MYEF2: variants seen among roughly 807,000 people sequenced by gnomAD.
MYEF2 encodes myelin gene expression factor 2.
Under a neutral mutation model 75.2 loss-of-function variants are expected in MYEF2, and 37 were observed. The observed-to-expected ratio is 0.49, with a 90% confidence interval of 0.38 to 0.65. The LOEUF is 0.65. MYEF2 is among the 30% of genes least tolerant of loss of function. MYEF2 has a pLI of 0.00. For synonymous variants in MYEF2, 195 were observed against 241.6 expected, an observed-to-expected ratio of 0.81 and a Z score of 1.79; for missense variants, 634 against 771.4, an observed-to-expected ratio of 0.82 and a Z score of 2.11.
At chr15:48,152,078 C>T (rs922965747) in intron 11 of MYEF2, 136 bp from the exon 12 acceptor site, 8 of 1,133,960 alleles carry the variant, frequency 7.1e-6, no homozygotes, top group Non-Finnish European at 1.1e-5. Flanking sequence ...ACATCACCTT[C>T]CTTTAAGTAT....
At chr15:48,169,553 A>G (rs925253185) in intron 1 of MYEF2, among the ~76,000 whole-genome samples, 13 of 152,118 alleles carry the variant, frequency 8.5e-5, no homozygotes, top group Non-Finnish European at 2.9e-5. Flanking sequence ...AATGTAGGAC[A>G]GAAGCAGTAC....
In MYEF2 at chr15:48,136,963, G is replaced by A. The variant is rs2038916002; in HGVS notation, c.*5945C>T. The A allele has an allele frequency of 6.2e-7, 1 of 1,603,488 alleles. No individual in the cohort carries two copies. The highest frequency in any genetic ancestry group is 1.3e-5 in the African/African-American group (1 of 74,584). ...ACATGGCCTTAGTCAGGTTTCTGAA[G>A]GTAATCACTAAATCTTGCCCATTAT... On this transcript the variant is annotated 3_prime_UTR_variant, in exon 17 of 17. Coordinates refer to ENST00000324324, the MANE Select transcript of MYEF2 (RefSeq NM_016132.5).
chr15:48,177,969 C>A, intron 1 of MYEF2, 108 bp downstream of exon 1: 1 of 1,406,140 alleles, frequency 7.1e-7, no homozygotes, highest in East Asian at 2.9e-5. Flanking sequence ...GGGGGCGGGC[C>A]GGGGTCTGGG....
At chr15:48,158,676 G>A (rs973034891) in intron 7 of MYEF2, 93 bp downstream of exon 7, 2 of 1,461,090 alleles carry the variant, frequency 1.4e-6, no homozygotes, top group South Asian at 1.2e-5. Context: ...CTCTAAGCCA[G>A]GCAACCTTAA....
chr15:48,136,140 A>G lies in MYEF2; in HGVS notation c.*6768T>C, dbSNP rs1246936715. 1 of 152,184 alleles carries G rather than the reference A, an allele frequency of 6.6e-6. No individual in the cohort carries two copies. Among genetic ancestry groups the G allele is most frequent in the Non-Finnish European group, 1.5e-5 (1 of 68,016 alleles). The allele number at this position is 152,184 out of a possible 1,614,324, so 9.4% of individuals were successfully genotyped here. A position where few individuals can be genotyped will look rare whatever the true frequency, so the allele number is the denominator to read the frequency against. On this transcript the variant is annotated 3_prime_UTR_variant, in exon 17 of 17. Coordinates refer to ENST00000324324, the MANE Select transcript of MYEF2 (RefSeq NM_016132.5). ...GTGACTGTAAGCCAAATTCAGCTAC[A>G]TTCAAATCATTAAAAATGCTCTGTA... is the stretch of plus-strand genomic sequence containing the variant.
intron 5 of MYEF2, 109 bp downstream of exon 5, chr15:48,165,824 A>G: frequency 1.4e-6 from 1 of 732,736 alleles, no homozygotes; most frequent in East Asian, 2.6e-5. Context: ...ATGAACACCT[A>G]TGTTTTAAAA....
chr15:48,151,608 A>C (rs769854921), intron 12 of MYEF2, 37 bp from the exon 13 acceptor site: 1 of 1,509,240 alleles, frequency 6.6e-7, no homozygotes, highest in Non-Finnish European at 9.1e-7. Context: ...CTTTTCAAAT[A>C]TATCAATACA....
In MYEF2 at chr15:48,140,779, C is replaced by T. The variant is rs2039048551; in HGVS notation, c.*2129G>A. On this transcript the variant is annotated 3_prime_UTR_variant, in exon 17 of 17. Coordinates refer to ENST00000324324, the MANE Select transcript of MYEF2 (RefSeq NM_016132.5). ...AAAGAAAAAGCGGAATGATCAGTCT[C>T]ATTATCAAATATTCAGCACAGCCCT... 4 of 217,442 alleles carry T rather than the reference C, an allele frequency of 1.8e-5. No homozygotes were observed. The highest frequency in any genetic ancestry group is 1.1e-4 in the East Asian group (1 of 8,884). 13.5% of individuals were successfully genotyped at this position (217,442 alleles called of 1,614,324 possible). A position where few individuals can be genotyped will look rare whatever the true frequency, so the allele number is the denominator to read the frequency against.
rs1186947503 is a variant in MYEF2, at chr15:48,137,857, A to G, written c.*5051T>C. 6.6e-6 allele frequency: 1 copy of G among 152,150 alleles called. No homozygotes were observed. The highest frequency in any genetic ancestry group is 1.5e-5 in the Non-Finnish European group (1 of 68,008). 9.4% of individuals were successfully genotyped at this position (152,150 alleles called of 1,614,324 possible). A position where few individuals can be genotyped will look rare whatever the true frequency, so the allele number is the denominator to read the frequency against. On this transcript the variant is annotated 3_prime_UTR_variant, in exon 17 of 17. Coordinates refer to ENST00000324324, the MANE Select transcript of MYEF2 (RefSeq NM_016132.5). ...GCAATAGCAAAACTTTTAGGTAAAT[A>G]GGTTCAGTAGGAAGTCAGAAAATTC...
chr15:48,170,514 A>G (rs1053477550), intron 1 of MYEF2, among the ~76,000 whole-genome samples: 1 of 152,204 alleles, frequency 6.6e-6, no homozygotes, highest in Non-Finnish European at 1.5e-5. Context: ...TTTCACAAAC[A>G]TTACTAATAA....
intron 7 of MYEF2, among the ~76,000 whole-genome samples, chr15:48,158,463 C>A (rs1252943287): frequency 1.3e-5 from 2 of 152,072 alleles, no homozygotes; most frequent in African/African-American, 4.8e-5. Context: ...ACTCGTAAGG[C>A]TTCGCTTAAA....
In MYEF2 at chr15:48,153,896, A is replaced by T. The variant is rs376907447; in HGVS notation, c.986-3T>A. 1 of 1,610,320 alleles carries T rather than the reference A, an allele frequency of 6.2e-7. No individual in the cohort carries two copies. The highest frequency in any genetic ancestry group is 2.2e-5 in the East Asian group (1 of 44,828). On this transcript the variant is annotated splice_polypyrimidine_tract_variant and splice_region_variant and intron_variant, in intron 9 of 16. Transcript: ENST00000324324. ...CATCCCAATGCCTCCAAGACCACCT[A>T]AAACAAAAATGAGAACAATCATTAC...
chr15:48,145,339 GA>G (rs763640768), intron 16 of MYEF2, among the ~76,000 whole-genome samples: 2 of 151,732 alleles, frequency 1.3e-5, no homozygotes, highest in Admixed American at 1.3e-4. Context: ...TAATTGAGGA[GA>G]AAAAAATTAG....
At position 48,142,275 on chromosome 15, in the gene MYEF2, T is replaced by C. The variant is rs1305933402; in HGVS notation, c.*633A>G. On this transcript the variant is annotated 3_prime_UTR_variant, in exon 17 of 17. Coordinates refer to ENST00000324324, the MANE Select transcript of MYEF2 (RefSeq NM_016132.5). ...GGAATAGTCTGCCTATTATCATACT[T>C]GGGGCTTGCTACATTATCAGTTCTA... The C allele has an allele frequency of 2.5e-6, 4 of 1,613,784 alleles. No homozygotes were observed. The South Asian group carries it at 4.4e-5, about 18-fold the overall frequency.
rs1006474457 is a variant in MYEF2, at chr15:48,136,489, C to A, written c.*6419G>T. 4.4e-6 allele frequency: 2 copies of A among 452,134 alleles called. No homozygotes were observed. The highest frequency in any genetic ancestry group is 7.5e-6 in the Non-Finnish European group (2 of 267,184). 28.0% of individuals were successfully genotyped at this position (452,134 alleles called of 1,614,324 possible). A position where few individuals can be genotyped will look rare whatever the true frequency, so the allele number is the denominator to read the frequency against. Reference sequence around the variant, plus strand: ...AAAAAAAAAAACAACACAGAAGTGTCCAGCTTTTATCAATAAACATAATAA... The same window carrying A: ...AAAAAAAAAAACAACACAGAAGTGTACAGCTTTTATCAATAAACATAATAA... On this transcript the variant is annotated 3_prime_UTR_variant, in exon 17 of 17. Coordinates refer to ENST00000324324, the MANE Select transcript of MYEF2 (RefSeq NM_016132.5).
chr15:48,138,775 C>T lies in MYEF2; in HGVS notation c.*4133G>A. On this transcript the variant is annotated 3_prime_UTR_variant, in exon 17 of 17. Coordinates refer to ENST00000324324, the MANE Select transcript of MYEF2 (RefSeq NM_016132.5). ...AATAAAGAAATGCGGAGTATCACATCTTACATTGTCTGCCCTAAAGTTTCA... is the reference window on the plus strand; with the variant it reads ...AATAAAGAAATGCGGAGTATCACATTTTACATTGTCTGCCCTAAAGTTTCA... The T allele has an allele frequency of 1.8e-6, 1 of 554,088 alleles. No individual in the cohort carries two copies. The highest frequency in any genetic ancestry group is 2.9e-5 in the East Asian group (1 of 34,252). 34.3% of individuals were successfully genotyped at this position (554,088 alleles called of 1,614,324 possible).
intron 5 of MYEF2, 45 bp downstream of exon 5, chr15:48,165,888 G>A (rs2040114676): frequency 7.5e-7 from 1 of 1,335,874 alleles, no homozygotes; most frequent in African/African-American, 1.5e-5. Context: ...AGGAAAACAT[G>A]TCTTTATAGT....
In MYEF2 at chr15:48,136,732, CT is replaced by C. The variant is rs772398324; in HGVS notation, c.*6175del. 12 of 1,613,142 alleles carry C rather than the reference CT, an allele frequency of 7.4e-6. No individual in the cohort carries two copies. The Admixed American group carries it at 1.0e-4, about 13-fold the overall frequency. The stretch of plus-strand genomic sequence containing the variant: ...GATATATGGATTGTATGTTTTGGTG[CT>C]GTGTTTTGACATTAAAATTAACCAA... On this transcript the variant is annotated 3_prime_UTR_variant, in exon 17 of 17. Transcript: ENST00000324324.
At chr15:48,163,112 T>C (rs1461447492) in intron 5 of MYEF2, among the ~76,000 whole-genome samples, 2 of 152,132 alleles carry the variant, frequency 1.3e-5, no homozygotes, top group East Asian at 1.9e-4. Flanking sequence ...GCTACTCCAG[T>C]GAACGCACGA....
Sources: gnomAD v4.1 joint callset for allele counts (sites outside exome capture counted in the v4.1 genomes callset) on GRCh38, gnomAD v4.1.1 for gene constraint, MANE v1.5 for transcripts, NCBI Gene and HGNC (gene_info 2026-07-23, HGNC 2026-07-21) for gene names.